Variants in AIG1 observed in about 807,000 individuals in gnomAD.
The protein encoded by AIG1 is androgen-induced gene 1 protein.
In AIG1, 23 loss-of-function variants were observed where a neutral mutation model predicts 31.4. The ratio of observed to expected loss-of-function variants is 0.73; its 90% CI spans 0.53 to 1.04. The LOEUF (loss-of-function observed/expected upper bound fraction) is 1.04. Among genes scored for constraint, AIG1 ranks in the 50% least tolerant of loss-of-function variants. The pLI is 0.00. For synonymous variants in AIG1, 100 were observed against 110.5 expected (o/e 0.90, Z 0.60); for missense variants, 274 against 295.0 (o/e 0.93, Z 0.52).
chr6:143,157,719 TCTC>T (rs1214997319), intron 2 of AIG1, among the ~76,000 whole-genome samples: 1 of 152,178 alleles, frequency 6.6e-6, no homozygotes, highest in African/African-American at 2.4e-5. Context: ...TTTATCCTCT[TCTC>T]CTCTTGCTCT....
At chr6:143,064,967 A>G (rs2128457020) in intron 1 of AIG1, among the ~76,000 whole-genome samples, 1 of 152,340 alleles carries the variant, frequency 6.6e-6, no homozygotes, top group East Asian at 1.9e-4. Flanking sequence ...CTAATGGAAA[A>G]TTACAGTAAA....
intron 3 of AIG1, among the ~76,000 whole-genome samples, chr6:143,241,688 G>C (rs1355699235): frequency 1.3e-5 from 2 of 152,266 alleles, no homozygotes; most frequent in East Asian, 3.9e-4. Flanking sequence ...TTATAGGTGA[G>C]GGAACTGAAG....
chr6:143,247,583 G>A (rs538940878), intron 3 of AIG1, among the ~76,000 whole-genome samples: 25 of 152,324 alleles, frequency 1.6e-4, no homozygotes, highest in Non-Finnish European at 8.8e-5. Context: ...CTTTCTAAGG[G>A]CCTAGTGGGT....
At chr6:143,149,713 T>C (rs1785032907) in intron 2 of AIG1, among the ~76,000 whole-genome samples, 1 of 152,190 alleles carries the variant, frequency 6.6e-6, no homozygotes, top group Admixed American at 6.5e-5. Context: ...TTATACAGTT[T>C]TACGGAACAG....
chr6:143,172,103 G>A (rs1245582362), intron 3 of AIG1, among the ~76,000 whole-genome samples: 2 of 152,108 alleles, frequency 1.3e-5, no homozygotes, highest in Non-Finnish European at 2.9e-5. Flanking sequence ...CAGAAGTATA[G>A]ATTGTGAAGA....
intron 4 of AIG1, among the ~76,000 whole-genome samples, chr6:143,308,606 G>A (rs1423314831): frequency 6.6e-6 from 1 of 152,214 alleles, no homozygotes; most frequent in Non-Finnish European, 1.5e-5. Flanking sequence ...GGTCAACAGG[G>A]AAGTCAACTA....
chr6:143,239,293 G>A (rs1026417254), intron 3 of AIG1, among the ~76,000 whole-genome samples: 14 of 152,180 alleles, frequency 9.2e-5, no homozygotes, highest in African/African-American at 3.1e-4. Flanking sequence ...AAGTCCAGTG[G>A]AATCTCGTAA....
intron 3 of AIG1, among the ~76,000 whole-genome samples, chr6:143,222,120 C>T (rs923252702): frequency 2.0e-5 from 3 of 152,134 alleles, no homozygotes; most frequent in African/African-American, 7.2e-5. Context: ...TCATGTGAAC[C>T]TTCCTTGACA....
intron 4 of AIG1, among the ~76,000 whole-genome samples, chr6:143,305,773 G>C (rs964787537): frequency 1.3e-5 from 2 of 151,716 alleles, no homozygotes; most frequent in East Asian, 1.9e-4. Flanking sequence ...CAATTCCTGG[G>C]TATCCTTGTT....
At chr6:143,138,632 G>A (rs539588712) in intron 2 of AIG1, among the ~76,000 whole-genome samples, 46 of 152,026 alleles carry the variant, frequency 3.0e-4, no homozygotes, top group Non-Finnish European at 6.0e-4. Context: ...AGTGGCTCAC[G>A]CCTGTAATCC....
In AIG1 at chr6:143,229,775, C is replaced by T. The variant is rs1793295297; in HGVS notation, c.400-54335C>T. ...ATTTTTAATGCCTCTCGTTTCTGGA[C>T]TCTCAGAACAAAAAAAAAAAAAAAA... On this transcript the variant is annotated intron_variant, in intron 3 of 5. Coordinates refer to ENST00000357847, the MANE Select transcript of AIG1 (RefSeq NM_016108.4). Among the ~76,000 whole-genome samples, 5 of 120,830 alleles carry T rather than the reference C, an allele frequency of 4.1e-5. No homozygotes were observed. In the South Asian group the frequency reaches 1.5e-3, roughly 37 times the overall value. 79.3% of individuals were successfully genotyped at this position (120,830 alleles called of 152,430 possible). A position where few individuals can be genotyped will look rare whatever the true frequency, so the allele number is the denominator to read the frequency against.
At chr6:143,294,308 C>G (rs1798272870) in intron 4 of AIG1, among the ~76,000 whole-genome samples, 1 of 152,208 alleles carries the variant, frequency 6.6e-6, no homozygotes. Flanking sequence ...TTCCCTATTT[C>G]CCTACTCACA....
At chr6:143,236,675 G>A (rs1024896071) in intron 3 of AIG1, among the ~76,000 whole-genome samples, 4 of 152,150 alleles carry the variant, frequency 2.6e-5, no homozygotes, top group Non-Finnish European at 4.4e-5. Context: ...TTGTGTCACC[G>A]TGCCATCTGC....
intron 3 of AIG1, among the ~76,000 whole-genome samples, chr6:143,266,438 A>G (rs1336798146): frequency 6.6e-6 from 1 of 152,096 alleles, no homozygotes; most frequent in Non-Finnish European, 1.5e-5. Context: ...AGAATTAATC[A>G]GGGATACTTA....
intron 1 of AIG1, chr6:143,126,223 T>C (rs1343040412): frequency 1.3e-5 from 2 of 151,972 alleles, no homozygotes; most frequent in East Asian, 3.9e-4. Context: ...ATGAGGGAGG[T>C]AGAGAGAGCC....
intron 1 of AIG1, among the ~76,000 whole-genome samples, chr6:143,132,593 C>T (rs1783345025): frequency 6.6e-6 from 1 of 151,038 alleles, no homozygotes; most frequent in Non-Finnish European, 1.5e-5. Flanking sequence ...CTTCTTGGAT[C>T]TGTGGGTTTA....
chr6:143,301,305 T>C (rs902914694), intron 4 of AIG1, among the ~76,000 whole-genome samples: 2 of 152,206 alleles, frequency 1.3e-5, no homozygotes, highest in Non-Finnish European at 2.9e-5. Context: ...CTTTATTGTG[T>C]GGCATTTGCT....
At chr6:143,316,726 C>T (rs1478078831) in intron 4 of AIG1, among the ~76,000 whole-genome samples, 1 of 151,586 alleles carries the variant, frequency 6.6e-6, no homozygotes, top group Admixed American at 6.6e-5. Context: ...AAGCTGTTTC[C>T]TTGAAAAGAT....
intron 4 of AIG1, among the ~76,000 whole-genome samples, chr6:143,296,052 T>G (rs955122729): frequency 6.6e-5 from 10 of 151,876 alleles, no homozygotes; most frequent in Admixed American, 5.9e-4. Flanking sequence ...GAATATATAT[T>G]ACACATACAC....
Sources: allele counts gnomAD v4.1 joint callset (sites outside exome capture counted in the v4.1 genomes callset), GRCh38; gene constraint gnomAD v4.1.1; transcripts MANE v1.5; gene names NCBI Gene and HGNC (gene_info 2026-07-23, HGNC 2026-07-21).